The following SBK1 variants were observed in gnomAD, a reference collection of about 807,000 sequenced individuals.
SBK1 encodes SH3 domain binding kinase 1.
A neutral mutation model predicts 24.4 loss-of-function variants in SBK1; 11 were observed. That is an observed-to-expected ratio of 0.45 (90% confidence interval 0.28 to 0.75). SBK1 has a LOEUF of 0.75. Ranked by LOEUF, SBK1 falls within the 30% of genes least tolerant of loss-of-function variation. The probability of loss-of-function intolerance (pLI) is 0.12; values close to 1 mark genes in which losing one functional copy is unlikely to be tolerated. For synonymous variants in SBK1, 308 were observed against 284.4 expected (o/e 1.08, Z -0.83); for missense variants, 467 against 620.5 (o/e 0.75, Z 2.63).
chr16:28,274,150 T>G (rs2044483139), intron 1 of SBK1, among the ~76,000 whole-genome samples: 1 of 152,132 alleles, frequency 6.6e-6, no homozygotes. Flanking sequence ...GTAACATACA[T>G]TTGTCAAAAC....
At chr16:28,314,157 T>A (rs1053338098) in intron 1 of SBK1, among the ~76,000 whole-genome samples, 2 of 151,480 alleles carry the variant, frequency 1.3e-5, no homozygotes, top group Non-Finnish European at 2.9e-5. Flanking sequence ...TTGTTATTAT[T>A]ATTATTATTA....
At chr16:28,302,010 A>C (rs1168074819) in intron 1 of SBK1, among the ~76,000 whole-genome samples, 1 of 152,212 alleles carries the variant, frequency 6.6e-6, no homozygotes, top group Non-Finnish European at 1.5e-5. Flanking sequence ...ATTTGTGTTG[A>C]GGACCAAGGG....
chr16:28,264,996 G>A (rs1338360175), intron 1 of SBK1, among the ~76,000 whole-genome samples: 1 of 152,146 alleles, frequency 6.6e-6, no homozygotes. Context: ...CAGCTGCCAG[G>A]CGCATTGGAA....
chr16:28,317,250 G>A lies in SBK1; in HGVS notation c.-7-135G>A, dbSNP rs371591952. ...AGGCGACGCGACCAAGATGCTTGTC[G>A]CCCCCTTGTGGTTATCTTGGGCCTG... On this transcript the variant is annotated intron_variant, in intron 1 of 3. Transcript: ENST00000341901. The surrounding 1 kb of genome is among the most constrained non-coding windows in gnomAD (Gnocchi z 4.2). 1.2e-4 allele frequency: 78 copies of A among 655,630 alleles called. No individual in the cohort carries two copies. The highest frequency in any genetic ancestry group is 7.1e-4 in the South Asian group (38 of 53,194). 40.6% of individuals were successfully genotyped at this position (655,630 alleles called of 1,614,324 possible). A position where few individuals can be genotyped will look rare whatever the true frequency, so the allele number is the denominator to read the frequency against.
upstream of SBK1, chr16:28,258,779 G>A (rs1460423380): frequency 6.6e-6 from 1 of 152,536 alleles, no homozygotes; most frequent in African/African-American, 2.4e-5. Flanking sequence ...TTTTCTCGAG[G>A]ACAGCGTGGG....
intron 1 of SBK1, among the ~76,000 whole-genome samples, chr16:28,275,241 G>A (rs1055271280): frequency 3.3e-5 from 5 of 152,010 alleles, no homozygotes; most frequent in African/African-American, 4.8e-5. Flanking sequence ...GAGGCGGGAG[G>A]ATTGCTACAG....
chr16:28,265,416 C>CAAAA (rs1567668794), intron 1 of SBK1, among the ~76,000 whole-genome samples: 1 of 151,604 alleles, frequency 6.6e-6, no homozygotes, highest in African/African-American at 2.4e-5. Flanking sequence ...AAAACTCTCT[C>CAAAA]ATAAATAAAT....
At chr16:28,281,484 G>C (rs2141568097) in intron 1 of SBK1, among the ~76,000 whole-genome samples, 1 of 152,312 alleles carries the variant, frequency 6.6e-6, no homozygotes, top group African/African-American at 2.4e-5. Flanking sequence ...ATGGGGACGG[G>C]AGGTGGATGG....
intron 1 of SBK1, among the ~76,000 whole-genome samples, chr16:28,267,025 G>A (rs1053239827): frequency 1.3e-5 from 2 of 152,010 alleles, no homozygotes; most frequent in Non-Finnish European, 2.9e-5. Flanking sequence ...TCCTGCCTCA[G>A]CCTCCTGAGT....
intron 1 of SBK1, among the ~76,000 whole-genome samples, chr16:28,278,502 T>C (rs1257203224): frequency 5.3e-5 from 8 of 152,218 alleles, no homozygotes; most frequent in African/African-American, 1.2e-4. Flanking sequence ...TCACCACGCC[T>C]GAGAAATTTT....
At position 28,293,019 on chromosome 16, in the gene SBK1, C is replaced by T. The variant is rs2044612608; in HGVS notation, c.-289C>T. 1 of 985,504 alleles carries T rather than the reference C, an allele frequency of 1.0e-6. No homozygotes were observed. The highest frequency in any genetic ancestry group is 1.2e-6 in the Non-Finnish European group (1 of 830,046). The allele number at this position is 985,504 out of a possible 1,614,324, so 61.0% of individuals were successfully genotyped here. A position where few individuals can be genotyped will look rare whatever the true frequency, so the allele number is the denominator to read the frequency against. On this transcript the variant is annotated 5_prime_UTR_variant, in exon 1 of 4. Coordinates refer to ENST00000341901, the MANE Select transcript of SBK1 (RefSeq NM_001024401.3). ...CTCCACACCTCAAGACAAGAAGACC[C>T]AGCTCAGAACGCCCCTAGATCAGGG...
chr16:28,320,546 C>G lies in SBK1; in HGVS notation c.900C>G (p.Pro300=). ...TCCAGCGCTTACTGGCCCTGGAGCCCGAGCGCCGCGGCCCAGCCAAGGAGG... is the reference window on the plus strand; with the variant it reads ...TCCAGCGCTTACTGGCCCTGGAGCCGGAGCGCCGCGGCCCAGCCAAGGAGG... ...RMFQRLLALE[P]ERRGPAKEVF... The change falls in exon 4 of 4, where the codon CCC becomes CCG. Residue 300 remains proline (P), a synonymous_variant. Transcript: ENST00000341901. The surrounding 1 kb of genome is among the most constrained non-coding windows in gnomAD (Gnocchi z 8.5). 3 of 1,554,848 alleles carry G rather than the reference C, an allele frequency of 1.9e-6. No homozygotes were observed. Among genetic ancestry groups the G allele is most frequent in the Non-Finnish European group, 2.6e-6 (3 of 1,157,402 alleles).
chr16:28,280,149 A>ATATATATGTGTGTGTGTGTGTGTG (rs1230385223), intron 1 of SBK1, among the ~76,000 whole-genome samples: 13 of 39,386 alleles, frequency 3.3e-4, no homozygotes, highest in South Asian at 8.5e-4. Context: ...ATATATATAT[A>ATATATATGTGTGTGTGTGTGTGTG]TGTGTGTGTG....
intron 1 of SBK1, among the ~76,000 whole-genome samples, chr16:28,276,201 T>C (rs1197131698): frequency 2.0e-5 from 3 of 152,022 alleles, no homozygotes; most frequent in Non-Finnish European, 4.4e-5. Context: ...TCCCAGACCT[T>C]GCTACAGAGT....
rs779623266 is a variant in SBK1 at position 28,320,915 on chromosome 16, C to T, written c.1269C>T (p.Cys423=). ...QVVLATAIEI[C]V is the part of the protein sequence containing the mutation. The stretch of plus-strand genomic sequence containing the variant: ...TGCTGGCCACGGCCATCGAGATCTG[C>T]GTCTGAGTCGCCTCCGCCGCCCTCG... The change falls in exon 4 of 4, where the codon TGC becomes TGT. Residue 423 remains cysteine (C), a synonymous_variant. Transcript: ENST00000341901. This position sits in a 1 kb window ranked among gnomAD's most constrained non-coding sequence, Gnocchi z 8.5. 10 of 1,475,406 alleles carry T rather than the reference C, an allele frequency of 6.8e-6. No individual in the cohort carries two copies. The East Asian group carries it at 2.2e-4, about 32-fold the overall frequency. 91.4% of individuals were successfully genotyped at this position (1,475,406 alleles called of 1,614,324 possible). A position where few individuals can be genotyped will look rare whatever the true frequency, so the allele number is the denominator to read the frequency against.
At chr16:28,302,967 G>T (rs1161499776) in intron 1 of SBK1, among the ~76,000 whole-genome samples, 5 of 151,836 alleles carry the variant, frequency 3.3e-5, no homozygotes, top group East Asian at 1.9e-4. Context: ...GGCATGGGGG[G>T]GGGTCAGGAG....
At chr16:28,281,911 G>C (rs766942692) in intron 1 of SBK1, among the ~76,000 whole-genome samples, 16 of 152,216 alleles carry the variant, frequency 1.1e-4, no homozygotes, top group Admixed American at 3.9e-4. Flanking sequence ...CCATGGCCTG[G>C]GAGAGGTTAA....
intron 1 of SBK1, among the ~76,000 whole-genome samples, chr16:28,310,119 G>T (rs2141586313): frequency 6.6e-6 from 1 of 152,306 alleles, no homozygotes; most frequent in Middle Eastern, 3.4e-3. Context: ...AGTCGAGGGG[G>T]ACCCCCACCC....
intron 1 of SBK1, among the ~76,000 whole-genome samples, chr16:28,273,739 T>C (rs2044481190): frequency 6.6e-6 from 1 of 152,184 alleles, no homozygotes; most frequent in South Asian, 2.1e-4. Flanking sequence ...CAGCCCCACT[T>C]GTCTATTCTT....
Sources: gnomAD v4.1 joint callset for allele counts (sites outside exome capture counted in the v4.1 genomes callset) on GRCh38, gnomAD v4.1.1 for gene constraint, Gnocchi (gnomAD v3.1) non-coding constraint, MANE v1.5 for transcripts, NCBI Gene and HGNC (gene_info 2026-07-23, HGNC 2026-07-21) for gene names.